The following MUC12 variants were observed in gnomAD, a reference collection of about 807,000 sequenced individuals.
MUC12 encodes mucin 12, cell surface associated.
A neutral mutation model predicts 230.8 loss-of-function variants in MUC12; 172 were observed. That is an observed-to-expected ratio of 0.75 (90% confidence interval 0.66 to 0.85). The LOEUF is 0.85. MUC12 is among the 40% of genes least tolerant of loss of function. The pLI, the probability that MUC12 is intolerant of heterozygous loss-of-function variation, is 0.00. For missense variants in MUC12, 3,506 were observed against 5,920.6 expected (o/e 0.59, Z 13.38); for synonymous variants, 1,259 against 2,401.9 (o/e 0.52, Z 13.91).
intron 1 of MUC12, chr7:100,973,106 C>G (rs1395933775): frequency 7.5e-6 from 4 of 532,488 alleles, no homozygotes; most frequent in Non-Finnish European, 1.3e-5. Flanking sequence ...TCACAGGAAC[C>G]TCTGTGGGCT....
chr7:100,969,598 C>A lies in MUC12; in HGVS notation c.-25C>A. The A allele has an allele frequency of 6.5e-7, 1 of 1,537,430 alleles. No homozygotes were observed. Among genetic ancestry groups the A allele is most frequent in the Non-Finnish European group, 8.7e-7 (1 of 1,146,944 alleles). ...GTCCCTCCTGATGAGAGAAGATGGG[C>A]AGCCAGGGGCCCGTTCCCCGGGAGA... On this transcript the variant is annotated 5_prime_UTR_variant, in exon 1 of 12. Transcript: ENST00000536621.
intron 1 of MUC12, among the ~76,000 whole-genome samples, chr7:100,971,632 G>A (rs900854489): frequency 6.6e-6 from 1 of 152,312 alleles, no homozygotes; most frequent in African/African-American, 2.4e-5. Context: ...AAGGGCTGGA[G>A]TGACGAACTC....
At position 100,992,472 on chromosome 7, in the gene MUC12, T is replaced by A; in HGVS notation, c.1909T>A (p.Trp637Arg). 2 of 1,537,892 alleles carry A rather than the reference T, an allele frequency of 1.3e-6. No homozygotes were observed. The highest frequency in any genetic ancestry group is 1.7e-6 in the Non-Finnish European group (2 of 1,147,032). The change falls in exon 2 of 12, where the codon TGG becomes AGG. Residue 637 changes from tryptophan (W) to arginine (R), a missense_variant. By Grantham distance (101) the Trp-to-Arg change is moderately radical (BLOSUM62 -3). Transcript: ENST00000536621. The part of the protein sequence containing the change: ...RQGESTTFHS[W>R]PSSKDTRPAP... ...GGGAGAATCTACCACATTCCATAGCTGGCCAAGCTCAAAGGACACTAGGCC... is the reference window on the plus strand; with the variant it reads ...GGGAGAATCTACCACATTCCATAGCAGGCCAAGCTCAAAGGACACTAGGCC...
At position 101,004,749 on chromosome 7, in the gene MUC12, C is replaced by G; in HGVS notation, c.14186C>G (p.Ala4729Gly). ...GSMETTLASTATTPGLSAKST... is the reference protein window; with the variant it reads ...GSMETTLASTGTTPGLSAKST... ...ATGGAAACAACATTAGCCAGCACTG[C>G]CACAACACCAGGCCTCAGTGCAAAA... The change falls in exon 2 of 12, where the codon GCC becomes GGC. Residue 4729 changes from alanine (A) to glycine (G), a missense_variant. Physicochemically the swap from Ala to Gly is moderately conservative, Grantham distance 60. Transcript: ENST00000536621. The G allele has an allele frequency of 2.0e-6, 3 of 1,536,918 alleles. No homozygotes were observed. The highest frequency in any genetic ancestry group is 2.6e-6 in the Non-Finnish European group (3 of 1,146,334).
rs142865239 is a variant in MUC12, at chr7:100,972,816, A to G, written c.67+3127A>G. On this transcript the variant is annotated intron_variant, in intron 1 of 11. Coordinates refer to ENST00000536621, the MANE Select transcript of MUC12 (RefSeq NM_001164462.2). Reference sequence around the variant, plus strand: ...CCACCGCATCTGGCCCAGCATCTGTAGCTTTTCTTCCTACTCTCTGCACGC... The same window carrying G: ...CCACCGCATCTGGCCCAGCATCTGTGGCTTTTCTTCCTACTCTCTGCACGC... The G allele has an allele frequency of 7.4e-6, 5 of 678,940 alleles. No individual in the cohort carries two copies. The African/African-American group carries it at 9.6e-5, about 13-fold the overall frequency. 42.1% of individuals were successfully genotyped at this position (678,940 alleles called of 1,614,324 possible). A position where few individuals can be genotyped will look rare whatever the true frequency, so the allele number is the denominator to read the frequency against.
At chr7:100,981,407 C>T (rs1167255972) in intron 1 of MUC12, 27 of 639,414 alleles carry the variant, frequency 4.2e-5, no homozygotes, top group Non-Finnish European at 7.3e-5. Context: ...TTTGCTAGCC[C>T]AGGGGACGAC....
At chr7:101,018,498 GGGT>G in intron 11 of MUC12, 94 bp from the exon 12 acceptor site, 2 of 1,052,838 alleles carry the variant, frequency 1.9e-6, no homozygotes, top group African/African-American at 1.7e-5. Context: ...CCTCCCCCTG[GGGT>G]TCCCTCCTCC....
chr7:101,014,596 G>A (rs1793888239), intron 9 of MUC12, among the ~76,000 whole-genome samples: 1 of 151,970 alleles, frequency 6.6e-6, no homozygotes, highest in African/African-American at 2.4e-5. Context: ...TCATGCCTCA[G>A]CCTCTCGAGT....
rs939956888 is a variant in MUC12, at chr7:101,017,601, G to A, written c.15904G>A (p.Gly5302Ser). 2.7e-5 allele frequency: 41 copies of A among 1,535,782 alleles called. No homozygotes were observed. Among genetic ancestry groups the A allele is most frequent in the Non-Finnish European group, 3.4e-5 (39 of 1,146,096 alleles). Reference sequence around the variant, plus strand: ...CCAGAATCTGAGGGAGAGCAGATTCGGCCTTGAGAACGCCTACAACAACTT... The same window carrying A: ...CCAGAATCTGAGGGAGAGCAGATTCAGCCTTGAGAACGCCTACAACAACTT... The part of the protein sequence containing the change: ...EDQNLRESRF[G>S]LENAYNNFRP... Residue 5302 changes from glycine (G) to serine (S), a missense_variant, in exon 11 of 12, where the codon GGC becomes AGC. Transcript: ENST00000536621.
At chr7:100,970,874 G>A (rs1792864206) in intron 1 of MUC12, among the ~76,000 whole-genome samples, 1 of 152,100 alleles carries the variant, frequency 6.6e-6, no homozygotes, top group African/African-American at 2.4e-5. Context: ...GCGGGCACCT[G>A]TAGTCCCAGC....
chr7:100,989,275 A>G (rs1563088553), intron 1 of MUC12, among the ~76,000 whole-genome samples: 1 of 151,502 alleles, frequency 6.6e-6, no homozygotes, highest in Non-Finnish European at 1.5e-5. Context: ...CACCCGGCTA[A>G]TTTTTGTATT....
intron 1 of MUC12, among the ~76,000 whole-genome samples, chr7:100,971,962 C>G (rs1792910117): frequency 6.6e-6 from 1 of 152,302 alleles, no homozygotes; most frequent in Admixed American, 6.5e-5. Context: ...TCAAAGATAA[C>G]ACAGGTGAAT....
Position 101,013,998 on chromosome 7 carries a change from G to T in MUC12, c.15724G>T (p.Ala5242Ser). The T allele has an allele frequency of 1.3e-6, 2 of 1,537,052 alleles. No individual in the cohort carries two copies. The highest frequency in any genetic ancestry group is 1.7e-6 in the Non-Finnish European group (2 of 1,146,826). ...GAGCCTCGTGTATGGGATCGTGGGG[G>T]CTGTGATGGCGGTGCTGCTGCTCGC... ...AKSLVYGIVG[A>S]VMAVLLLALI... The change falls in exon 9 of 12, where the codon GCT (alanine) becomes TCT (serine). Residue 5242 changes from alanine (A) to serine (S), a missense_variant. Ala to Ser is a moderately conservative substitution (Grantham distance 99, BLOSUM62 1). Coordinates refer to ENST00000536621, the MANE Select transcript of MUC12 (RefSeq NM_001164462.2).
intron 1 of MUC12, among the ~76,000 whole-genome samples, chr7:100,975,884 T>G (rs1258786540): frequency 6.6e-6 from 1 of 150,448 alleles, no homozygotes; most frequent in Non-Finnish European, 1.5e-5. Flanking sequence ...GGGGTGGTAG[T>G]GGGATGAGCT....
At position 101,005,435 on chromosome 7, in the gene MUC12, A is replaced by C; in HGVS notation, c.14872A>C (p.Thr4958Pro). ...FPASSSTSGL[T>P]EESTTFHTSP... ...TGCGAGTTCCAGCACATCAGGCCTC[A>C]CTGAGGAATCTACCACCTTCCACAC... The change falls in exon 2 of 12, where the codon ACT becomes CCT. Residue 4958 changes from threonine (T) to proline (P), a missense_variant. Coordinates refer to ENST00000536621, the MANE Select transcript of MUC12 (RefSeq NM_001164462.2). 1 of 1,537,912 alleles carries C rather than the reference A, an allele frequency of 6.5e-7. No homozygotes were observed. Among genetic ancestry groups the C allele is most frequent in the Middle Eastern group, 1.7e-4 (1 of 5,996 alleles).
At position 100,991,777 on chromosome 7, in the gene MUC12, C is replaced by A; in HGVS notation, c.1214C>A (p.Ala405Asp). The change falls in exon 2 of 12, where the codon GCT becomes GAT. Residue 405 changes from alanine (A) to aspartate (D), a missense_variant. By Grantham distance (126) the Ala-to-Asp change is moderately radical. Coordinates refer to ENST00000536621, the MANE Select transcript of MUC12 (RefSeq NM_001164462.2). The part of the protein sequence containing the change: ...HTKSSTPSTT[A>D]ALAHTSYHSS... ...AAATCTTCAACTCCTAGCACCACAGCTGCCCTAGCACATACAAGCTACCAC... is the reference window on the plus strand; with the variant it reads ...AAATCTTCAACTCCTAGCACCACAGATGCCCTAGCACATACAAGCTACCAC... The A allele has an allele frequency of 1.3e-6, 2 of 1,537,988 alleles. No homozygotes were observed. The highest frequency in any genetic ancestry group is 1.7e-6 in the Non-Finnish European group (2 of 1,147,074).
intron 1 of MUC12, among the ~76,000 whole-genome samples, chr7:100,988,444 ACAC>A (rs1164909049): frequency 2.0e-5 from 3 of 152,008 alleles, no homozygotes; most frequent in Non-Finnish European, 4.4e-5. Flanking sequence ...CTAGAAGCAA[ACAC>A]CAGCACCATC....
In MUC12 at chr7:100,994,156, C is replaced by A. The variant is rs1417062961; in HGVS notation, c.3593C>A (p.Thr1198Lys). 4 of 1,057,390 alleles carry A rather than the reference C, an allele frequency of 3.8e-6. 1 individual carries two copies. The Admixed American group carries it at 9.5e-5, about 25-fold the overall frequency. The allele number at this position is 1,057,390 out of a possible 1,614,324, so 65.5% of individuals were successfully genotyped here. A position where few individuals can be genotyped will look rare whatever the true frequency, so the allele number is the denominator to read the frequency against. Residue 1198 changes from threonine (T) to lysine (K), a missense_variant, in exon 2 of 12, where the codon ACA (threonine) becomes AAA (lysine). Thr to Lys is a moderately conservative substitution (Grantham distance 78, BLOSUM62 -1). Transcript: ENST00000536621. ...TFHSRPASTH[T>K]TLFTEDSTTS... Reference sequence around the variant, plus strand: ...CACAGCCGGCCAGCCTCAACTCACACAACACTGTTCACTGAGGACAGCACC... The same window carrying A: ...CACAGCCGGCCAGCCTCAACTCACAAAACACTGTTCACTGAGGACAGCACC...
intron 1 of MUC12, among the ~76,000 whole-genome samples, chr7:100,978,587 G>A (rs960233483): frequency 1.3e-5 from 2 of 152,238 alleles, no homozygotes; most frequent in African/African-American, 4.8e-5. Context: ...ACCCCGTGGG[G>A]GCTCCCCACA....
Sources: allele counts gnomAD v4.1 joint callset (sites outside exome capture counted in the v4.1 genomes callset), GRCh38; gene constraint gnomAD v4.1.1; transcripts MANE v1.5; gene names NCBI Gene and HGNC (gene_info 2026-07-23, HGNC 2026-07-21).